Variants in NUBPL observed in about 807,000 individuals in gnomAD.
NUBPL encodes NUBP iron-sulfur cluster assembly factor, mitochondrial, also known as iron-sulfur cluster transfer protein NUBPL.
A neutral mutation model predicts 45.7 loss-of-function variants in NUBPL; 31 were observed. The observed-to-expected ratio is 0.68, with a 90% confidence interval of 0.51 to 0.92. The LOEUF is 0.92. Ranked by LOEUF, NUBPL falls within the 40% of genes least tolerant of loss-of-function variation. The pLI is 0.00. For missense variants in NUBPL, 401 were observed against 398.7 expected, an observed-to-expected ratio of 1.01 and a Z score of -0.05; for synonymous variants, 144 against 140.9, an observed-to-expected ratio of 1.02 and a Z score of -0.15.
chr14:31,832,232 T>A (rs193162977), intron 8 of NUBPL, among the ~76,000 whole-genome samples: 1 of 152,232 alleles, frequency 6.6e-6, no homozygotes, highest in African/African-American at 2.4e-5. Context: ...TTTAAAAAGT[T>A]GGAAAAACAT....
chr14:31,568,305 T>A (rs2033491903), intron 3 of NUBPL, among the ~76,000 whole-genome samples: 1 of 151,922 alleles, frequency 6.6e-6, no homozygotes, highest in Non-Finnish European at 1.5e-5. Context: ...TAATAAGGGA[T>A]CCAAGGATGA....
At chr14:31,773,846 T>G (rs940911469) in intron 6 of NUBPL, among the ~76,000 whole-genome samples, 43 of 152,154 alleles carry the variant, frequency 2.8e-4, no homozygotes, top group Admixed American at 2.8e-3. Flanking sequence ...ATAAGTCAAG[T>G]AGGCATGAGA....
chr14:31,639,303 C>G (rs552300670), intron 4 of NUBPL, among the ~76,000 whole-genome samples: 9 of 152,292 alleles, frequency 5.9e-5, no homozygotes, highest in African/African-American at 2.2e-4. Flanking sequence ...TTCTAACAGA[C>G]AGGACCCTCA....
intron 6 of NUBPL, among the ~76,000 whole-genome samples, chr14:31,700,794 C>T (rs1453977554): frequency 1.3e-5 from 2 of 152,184 alleles, no homozygotes; most frequent in East Asian, 3.9e-4. Flanking sequence ...GGGCAGGGCT[C>T]AGGACCTGCA....
chr14:31,565,061 T>TAATA lies in NUBPL; in HGVS notation c.291+14_291+17dup. On this transcript the variant is annotated intron_variant, in intron 3 of 10. Transcript: ENST00000281081. ...AGCGAACGATTCGGTAGGTGTTTAT[T>TAATA]AATAGAAATATTAATTTATTAAAAT... 6.8e-7 allele frequency: 1 copy of TAATA among 1,470,230 alleles called. No homozygotes were observed. The highest frequency in any genetic ancestry group is 1.8e-4 in the Middle Eastern group (1 of 5,428). The allele number at this position is 1,470,230 out of a possible 1,614,324, so 91.1% of individuals were successfully genotyped here.
chr14:31,728,165 CA>C (rs1386295836), intron 6 of NUBPL, among the ~76,000 whole-genome samples: 1 of 151,994 alleles, frequency 6.6e-6, no homozygotes, highest in East Asian at 1.9e-4. Flanking sequence ...TTTATCACTA[CA>C]TTAAAAACAT....
intron 6 of NUBPL, among the ~76,000 whole-genome samples, chr14:31,682,380 C>A (rs1448316971): frequency 1.3e-5 from 2 of 152,014 alleles, no homozygotes; most frequent in Non-Finnish European, 2.9e-5. Context: ...TGTTTTAATT[C>A]TTTTACTTTT....
intron 6 of NUBPL, among the ~76,000 whole-genome samples, chr14:31,779,364 G>A (rs1201165923): frequency 6.6e-6 from 1 of 151,842 alleles, no homozygotes; most frequent in Non-Finnish European, 1.5e-5. Context: ...AAGAAAGAAA[G>A]AGAACCTCAT....
At chr14:31,667,532 C>T (rs2036463291) in intron 4 of NUBPL, among the ~76,000 whole-genome samples, 1 of 151,894 alleles carries the variant, frequency 6.6e-6, no homozygotes, top group South Asian at 2.1e-4. Context: ...TTATTATTAC[C>T]CACCTTCTGC....
At chr14:31,647,693 G>A (rs1040574704) in intron 4 of NUBPL, among the ~76,000 whole-genome samples, 1 of 152,196 alleles carries the variant, frequency 6.6e-6, no homozygotes, top group Non-Finnish European at 1.5e-5. Flanking sequence ...GCCTTTGGCT[G>A]TCCTCAGGGA....
At chr14:31,610,327 A>G (rs374222510) in intron 4 of NUBPL, among the ~76,000 whole-genome samples, 1 of 152,064 alleles carries the variant, frequency 6.6e-6, no homozygotes, top group Non-Finnish European at 1.5e-5. Flanking sequence ...GGATAAATTC[A>G]TATACACGTA....
rs1403801083 is a variant in NUBPL, at chr14:31,726,570, T to TA, written c.513+52998dup. Among the ~76,000 whole-genome samples, 3 of 152,202 alleles carry TA rather than the reference T, an allele frequency of 2.0e-5. No individual in the cohort carries two copies. The East Asian group carries it at 5.8e-4, about 29-fold the overall frequency. ...CTTCAACCTGAGATTCACTAAAATA[T>TA]AAGCTATATGAAAGCAGAGATCTTG... On this transcript the variant is annotated intron_variant, in intron 6 of 10. Transcript: ENST00000281081.
intron 6 of NUBPL, among the ~76,000 whole-genome samples, chr14:31,700,267 T>C (rs2037302006): frequency 6.6e-6 from 1 of 152,198 alleles, no homozygotes; most frequent in African/African-American, 2.4e-5. Flanking sequence ...ACCCAACAGC[T>C]CTTTTCTTAG....
chr14:31,638,250 T>G (rs536373643), intron 4 of NUBPL, among the ~76,000 whole-genome samples: 14 of 152,122 alleles, frequency 9.2e-5, no homozygotes, highest in Non-Finnish European at 1.9e-4. Flanking sequence ...CCATGTTTAG[T>G]GCTTCCTTCA....
At position 31,621,442 on chromosome 14, in the gene NUBPL, T is replaced by C. The variant is rs187592924; in HGVS notation, c.382+22063T>C. ...ATAGGTGCCAGAGGGAGTCTCATGG[T>C]CTGCCAGTTGCGAAGACCGTGGGAA... On this transcript the variant is annotated intron_variant, in intron 4 of 10. Transcript: ENST00000281081. 1.3e-3 allele frequency among the ~76,000 whole-genome samples: 198 copies of C among 152,318 alleles called. No individual in the cohort carries two copies. In the Middle Eastern group the frequency reaches 0.017, roughly 13 times the overall value.
At chr14:31,672,040 CATAG>C (rs1415000388) in intron 4 of NUBPL, among the ~76,000 whole-genome samples, 27 of 152,226 alleles carry the variant, frequency 1.8e-4, no homozygotes, top group African/African-American at 6.3e-4. Context: ...AAGGTGATTG[CATAG>C]ATAGTTTGAT....
At chr14:31,856,954 T>G (rs1025030498) in intron 10 of NUBPL, among the ~76,000 whole-genome samples, 1 of 152,176 alleles carries the variant, frequency 6.6e-6, no homozygotes, top group African/African-American at 2.4e-5. Context: ...GGTGACTGTC[T>G]TCTCACAACT....
rs139750816 is a variant in NUBPL at position 31,616,844 on chromosome 14, A to G, written c.382+17465A>G. 8.8e-3 allele frequency among the ~76,000 whole-genome samples: 1,335 copies of G among 152,272 alleles called. 22 individuals carry two copies. Among genetic ancestry groups the G allele is most frequent in the African/African-American group, 0.031 (1,276 of 41,548 alleles). ...GGTAGCTGGATGGGAATAGCATTCA[A>G]TCTATAAATTACTTTGGGTAGTATG... On this transcript the variant is annotated intron_variant, in intron 4 of 10. Transcript: ENST00000281081.
intron 4 of NUBPL, 36 bp from the exon 5 acceptor site, chr14:31,673,319 T>C: frequency 6.5e-7 from 1 of 1,543,916 alleles, no homozygotes; most frequent in Non-Finnish European, 8.8e-7. Flanking sequence ...TGTTGTGTTT[T>C]ATTGTTCTAA....
Sources: gnomAD v4.1 joint callset for allele counts (sites outside exome capture counted in the v4.1 genomes callset) on GRCh38, gnomAD v4.1.1 for gene constraint, MANE v1.5 for transcripts, NCBI Gene and HGNC (gene_info 2026-07-23, HGNC 2026-07-21) for gene names.